Variants in ARHGAP26 observed in about 807,000 individuals in gnomAD.
The protein encoded by ARHGAP26 is Rho GTPase activating protein 26, also known as rho GTPase-activating protein 26.
Under a neutral mutation model 104.8 loss-of-function variants are expected in ARHGAP26, and 38 were observed. The ratio of observed to expected loss-of-function variants is 0.36; its 90% CI spans 0.28 to 0.48. The LOEUF is 0.48. Among genes scored for constraint, ARHGAP26 ranks in the 20% least tolerant of loss-of-function variants. ARHGAP26 has a pLI of 0.99. For synonymous variants in ARHGAP26, 341 were observed against 340.0 expected (o/e 1.00, Z -0.03); for missense variants, 704 against 947.9 (o/e 0.74, Z 3.38).
intron 1 of ARHGAP26, among the ~76,000 whole-genome samples, chr5:142,869,734 A>G (rs1404230468): frequency 6.6e-6 from 1 of 152,224 alleles, no homozygotes; most frequent in Non-Finnish European, 1.5e-5. Context: ...GGTAGATTCT[A>G]ATTTTTAAAA....
intron 1 of ARHGAP26, among the ~76,000 whole-genome samples, chr5:142,840,096 G>T (rs1337958080): frequency 1.3e-5 from 2 of 152,152 alleles, no homozygotes; most frequent in Non-Finnish European, 2.9e-5. Flanking sequence ...GGATGTATGG[G>T]TGTGGCTATC....
chr5:143,054,339 C>A, intron 14 of ARHGAP26, 100 bp from the exon 15 acceptor site: 1 of 691,622 alleles, frequency 1.4e-6, no homozygotes, highest in Non-Finnish European at 2.3e-6. Context: ...TTTTACTTTG[C>A]ATTTCTCTAG....
intron 1 of ARHGAP26, among the ~76,000 whole-genome samples, chr5:142,810,638 T>C (rs1763891478): frequency 6.6e-6 from 1 of 152,206 alleles, no homozygotes; most frequent in Non-Finnish European, 1.5e-5. Context: ...CACAGAGAAC[T>C]TAGGAAGTTC....
intron 11 of ARHGAP26, among the ~76,000 whole-genome samples, chr5:142,948,198 A>G (rs1220976665): frequency 6.6e-6 from 1 of 152,064 alleles, no homozygotes; most frequent in East Asian, 1.9e-4. Context: ...GGCAGAAACC[A>G]TATACTAAAT....
At chr5:143,030,041 G>A (rs1256575392) in intron 12 of ARHGAP26, among the ~76,000 whole-genome samples, 1 of 152,134 alleles carries the variant, frequency 6.6e-6, no homozygotes, top group Non-Finnish European at 1.5e-5. Context: ...ATATATATGT[G>A]TCCATCAGTC....
intron 9 of ARHGAP26, among the ~76,000 whole-genome samples, chr5:142,910,101 G>A (rs756419791): frequency 1.2e-4 from 18 of 152,250 alleles, no homozygotes; most frequent in South Asian, 8.3e-4. Context: ...TATTATAAGA[G>A]TTAATTTTCC....
At chr5:142,880,137 C>T (rs1363951597) in intron 4 of ARHGAP26, among the ~76,000 whole-genome samples, 1 of 152,168 alleles carries the variant, frequency 6.6e-6, no homozygotes, top group Non-Finnish European at 1.5e-5. Flanking sequence ...CTAAGCTTGA[C>T]TAATTCTAAT....
intron 20 of ARHGAP26, among the ~76,000 whole-genome samples, chr5:143,157,550 T>A (rs1260739798): frequency 6.6e-6 from 1 of 152,230 alleles, no homozygotes; most frequent in Admixed American, 6.5e-5. Flanking sequence ...TCTCTTACGC[T>A]ACATTTCCTA....
chr5:143,195,270 A>G (rs1473918963), intron 20 of ARHGAP26, among the ~76,000 whole-genome samples: 1 of 152,206 alleles, frequency 6.6e-6, no homozygotes, highest in Admixed American at 6.5e-5. Context: ...TCCTGAACAT[A>G]GTGAAATATT....
intron 11 of ARHGAP26, among the ~76,000 whole-genome samples, chr5:142,992,832 G>T (rs1775817011): frequency 1.3e-5 from 2 of 152,182 alleles, no homozygotes; most frequent in Non-Finnish European, 1.5e-5. Flanking sequence ...GACACTGCTG[G>T]GTTCTGTGCC....
intron 11 of ARHGAP26, among the ~76,000 whole-genome samples, chr5:142,980,119 T>C (rs1306582234): frequency 3.9e-5 from 6 of 152,342 alleles, no homozygotes; most frequent in African/African-American, 1.4e-4. Context: ...TTAGTTTCCC[T>C]GTTCTTGGTG....
intron 20 of ARHGAP26, among the ~76,000 whole-genome samples, chr5:143,201,256 C>T (rs1010718576): frequency 1.3e-5 from 2 of 152,116 alleles, no homozygotes; most frequent in African/African-American, 4.8e-5. Flanking sequence ...TGGCAGGACC[C>T]CAGGAATATT....
At chr5:142,955,791 G>A (rs914867893) in intron 11 of ARHGAP26, among the ~76,000 whole-genome samples, 1 of 152,230 alleles carries the variant, frequency 6.6e-6, no homozygotes, top group African/African-American at 2.4e-5. Context: ...TGTTAGTCTT[G>A]TTGTGGCCTC....
intron 14 of ARHGAP26, among the ~76,000 whole-genome samples, chr5:143,046,680 C>T (rs1268502253): frequency 6.6e-6 from 1 of 152,178 alleles, no homozygotes; most frequent in Non-Finnish European, 1.5e-5. Flanking sequence ...ATAAATCTTT[C>T]CAAATTTTAG....
chr5:143,167,408 G>T (rs1234193673), intron 20 of ARHGAP26, among the ~76,000 whole-genome samples: 1 of 144,726 alleles, frequency 6.9e-6, no homozygotes, highest in Non-Finnish European at 1.5e-5. Context: ...CTTGAACCCG[G>T]GGGGGAAGAG....
intron 11 of ARHGAP26, among the ~76,000 whole-genome samples, chr5:142,976,194 G>C (rs1773061955): frequency 6.6e-6 from 1 of 152,212 alleles, no homozygotes; most frequent in South Asian, 2.1e-4. Context: ...GGATTCTGCA[G>C]ATTTTTAATA....
chr5:143,126,543 T>C (rs1245230515), intron 18 of ARHGAP26, among the ~76,000 whole-genome samples: 1 of 152,124 alleles, frequency 6.6e-6, no homozygotes, highest in Non-Finnish European at 1.5e-5. Context: ...CACAATAGAG[T>C]TAACCATACT....
chr5:142,890,151 A>AAAAAAAAAAAAATATAT (rs1252590997), intron 5 of ARHGAP26, among the ~76,000 whole-genome samples: 1 of 32,428 alleles, frequency 3.1e-5, no homozygotes, highest in Non-Finnish European at 5.5e-5. Flanking sequence ...AAAAAAAAAA[A>AAAAAAAAAAAAATATAT]ATATATATAT....
intron 17 of ARHGAP26, among the ~76,000 whole-genome samples, chr5:143,085,845 T>C (rs1373704016): frequency 6.6e-6 from 1 of 152,236 alleles, no homozygotes; most frequent in Non-Finnish European, 1.5e-5. Flanking sequence ...TTCAAACTCA[T>C]TGGAAACCAT....
Sources: allele counts gnomAD v4.1 joint callset (sites outside exome capture counted in the v4.1 genomes callset), GRCh38; gene constraint gnomAD v4.1.1; transcripts MANE v1.5; gene names NCBI Gene and HGNC (gene_info 2026-07-23, HGNC 2026-07-21).